Variants in METTL15 observed in about 807,000 individuals in gnomAD.
METTL15 encodes the protein methyltransferase 15, mitochondrial 12S rRNA N4-cytidine.
A neutral mutation model predicts 38.3 loss-of-function variants in METTL15; 34 were observed. The observed-to-expected ratio is 0.89, with a 90% CI of 0.68 to 1.18. The LOEUF is 1.18. Among genes scored for constraint, METTL15 ranks in the 50% most tolerant of loss-of-function variants. METTL15 has a pLI of 0.00. For synonymous variants in METTL15, 162 were observed against 170.9 expected, an observed-to-expected ratio of 0.95 and a Z score of 0.41; for missense variants, 438 against 498.4, an observed-to-expected ratio of 0.88 and a Z score of 1.15.
intron 4 of METTL15, among the ~76,000 whole-genome samples, chr11:28,223,642 T>C (rs906561197): frequency 1.3e-5 from 2 of 152,184 alleles, no homozygotes. Flanking sequence ...CCATGTCCTT[T>C]ACTCTGTCAA....
At chr11:28,326,649 T>C (rs1302798926) in intron 6 of METTL15, among the ~76,000 whole-genome samples, 2 of 152,126 alleles carry the variant, frequency 1.3e-5, no homozygotes, top group Non-Finnish European at 2.9e-5. Context: ...CAATCATGGC[T>C]CACTGCAGTC....
intron 6 of METTL15, among the ~76,000 whole-genome samples, chr11:28,438,126 AT>A (rs1850999455): frequency 6.6e-6 from 1 of 152,246 alleles, no homozygotes; most frequent in Non-Finnish European, 1.5e-5. Flanking sequence ...TTAGAAAATA[AT>A]TTCATGATTG....
chr11:28,389,092 G>A (rs1004339349), intron 5 of METTL15, among the ~76,000 whole-genome samples: 1 of 151,974 alleles, frequency 6.6e-6, no homozygotes, highest in Non-Finnish European at 1.5e-5. Context: ...TGTAGGATAT[G>A]TGGGTTGGTT....
chr11:28,488,468 AATATC>A (rs1851455290), intron 6 of METTL15, among the ~76,000 whole-genome samples: 1 of 152,194 alleles, frequency 6.6e-6, no homozygotes, highest in African/African-American at 2.4e-5. Flanking sequence ...AATTTAAATG[AATATC>A]AGCTTAGTGC....
intron 3 of METTL15, among the ~76,000 whole-genome samples, chr11:28,193,395 G>A (rs960734421): frequency 1.3e-5 from 2 of 152,108 alleles, no homozygotes; most frequent in African/African-American, 2.4e-5. Context: ...CAGGGCAGGA[G>A]GAAGAGAGAG....
At chr11:28,471,027 C>T (rs955629068) in intron 6 of METTL15, among the ~76,000 whole-genome samples, 1 of 152,120 alleles carries the variant, frequency 6.6e-6, no homozygotes, top group Non-Finnish European at 1.5e-5. Context: ...ATTCAGTCAG[C>T]TCAGCTGGGT....
intron 4 of METTL15, among the ~76,000 whole-genome samples, chr11:28,223,438 G>A (rs955884904): frequency 2.6e-5 from 4 of 152,142 alleles, no homozygotes; most frequent in African/African-American, 9.7e-5. Context: ...TCAATGGATA[G>A]TTGGTTGAAA....
At chr11:28,262,716 A>C (rs1590231614) in intron 4 of METTL15, among the ~76,000 whole-genome samples, 1 of 152,126 alleles carries the variant, frequency 6.6e-6, no homozygotes, top group African/African-American at 2.4e-5. Flanking sequence ...ATGATATGCC[A>C]TCTTTCCTGA....
chr11:28,346,708 G>A (rs911128945), intron 3 of METTL15, among the ~76,000 whole-genome samples: 6 of 152,162 alleles, frequency 3.9e-5, no homozygotes, highest in African/African-American at 1.4e-4. Flanking sequence ...GAAGAAATGT[G>A]TCTTCCTACT....
Position 28,215,703 on chromosome 11 carries a change from G to A in METTL15, c.407+4505G>A, listed in dbSNP as rs79495428. Among the ~76,000 whole-genome samples, 462 of 152,258 alleles carry A rather than the reference G, an allele frequency of 3.0e-3. 4 individuals carry two copies. The highest frequency in any genetic ancestry group is 0.011 in the African/African-American group (451 of 41,554). ...CATACAAGAAGATTTGAACAAAAGG[G>A]AAGACATATTTCTTTTGAGGTAGAG... On this transcript the variant is annotated intron_variant, in intron 4 of 6. Transcript: ENST00000407364.
chr11:28,143,768 C>A (rs540263448), intron 3 of METTL15, among the ~76,000 whole-genome samples: 1 of 152,226 alleles, frequency 6.6e-6, no homozygotes, highest in South Asian at 2.1e-4. Flanking sequence ...AACCATGAGT[C>A]TAGATGAATT....
At chr11:28,122,037 A>G (rs1282627499) in intron 3 of METTL15, 2 of 587,714 alleles carry the variant, frequency 3.4e-6, no homozygotes, top group Non-Finnish European at 4.6e-6. Context: ...AATAAATTGT[A>G]TATGATATTT....
chr11:28,516,318 G>C (rs1371027367), intron 6 of METTL15, among the ~76,000 whole-genome samples: 2 of 152,064 alleles, frequency 1.3e-5, no homozygotes, highest in Middle Eastern at 3.2e-3. Context: ...TAAAAGACTT[G>C]GGGCAGAGAC....
chr11:28,253,492 A>G (rs1275854127), intron 4 of METTL15, among the ~76,000 whole-genome samples: 1 of 152,146 alleles, frequency 6.6e-6, no homozygotes, highest in Non-Finnish European at 1.5e-5. Context: ...TTTAAAATAT[A>G]CAATTAAGTT....
intron 5 of METTL15, among the ~76,000 whole-genome samples, chr11:28,388,386 A>G (rs115661471): frequency 1.5e-3 from 230 of 152,288 alleles, no homozygotes; most frequent in African/African-American, 5.5e-3. Context: ...TAGAATCAAC[A>G]CAAAAAAATC....
intron 1 of METTL15, among the ~76,000 whole-genome samples, chr11:28,109,387 A>T (rs1851620586): frequency 6.6e-6 from 1 of 152,160 alleles, no homozygotes; most frequent in African/African-American, 2.4e-5. Flanking sequence ...ATTGTATAGT[A>T]CTTTACGTTT....
At chr11:28,505,155 A>G (rs1851617988) in intron 6 of METTL15, among the ~76,000 whole-genome samples, 2 of 152,198 alleles carry the variant, frequency 1.3e-5, no homozygotes, top group African/African-American at 4.8e-5. Flanking sequence ...AGGAACTGGG[A>G]AAAAGTGTAA....
intron 5 of METTL15, among the ~76,000 whole-genome samples, chr11:28,373,510 G>C (rs1850269552): frequency 6.6e-6 from 1 of 152,122 alleles, no homozygotes; most frequent in African/African-American, 2.4e-5. Context: ...GTAGATTCTG[G>C]ATATTAGCCC....
At chr11:28,326,904 C>G (rs1448492048) in intron 6 of METTL15, among the ~76,000 whole-genome samples, 1 of 151,994 alleles carries the variant, frequency 6.6e-6, no homozygotes, top group Admixed American at 6.6e-5. Context: ...TCCTTCCCTC[C>G]TAAAGGAATT....
Sources: gnomAD v4.1 joint callset for allele counts (sites outside exome capture counted in the v4.1 genomes callset) on GRCh38, gnomAD v4.1.1 for gene constraint, MANE v1.5 for transcripts, NCBI Gene and HGNC (gene_info 2026-07-23, HGNC 2026-07-21) for gene names.